RERE: variants seen among roughly 807,000 people sequenced by gnomAD.
RERE encodes the protein arginine-glutamic acid dipeptide repeats.
A neutral mutation model predicts 146.1 loss-of-function variants in RERE; 40 were observed. That is an observed-to-expected ratio of 0.27 (90% confidence interval 0.21 to 0.36). The LOEUF is 0.36. Ranked by LOEUF, RERE falls within the 10% of genes least tolerant of loss-of-function variation. The pLI is 1.00. For missense variants in RERE, 1,933 were observed against 2,138.7 expected (o/e 0.90, Z 1.90); for synonymous variants, 1,003 against 866.0 (o/e 1.16, Z -2.78).
At chr1:8,732,963 A>C (rs12564643) in intron 1 of RERE, among the ~76,000 whole-genome samples, 85,646 of 149,526 alleles carry the variant, frequency 0.57, 25,062 homozygotes, top group East Asian at 0.84. Context: ...CTGGGACTAC[A>C]GGCGCCCGCC....
At chr1:8,638,406 T>C (rs1434115351) in intron 2 of RERE, among the ~76,000 whole-genome samples, 4 of 152,236 alleles carry the variant, frequency 2.6e-5, no homozygotes, top group Non-Finnish European at 5.9e-5. Flanking sequence ...TGACATTTGA[T>C]GAACTGGTAA....
chr1:8,508,017 G>A (rs1388701711), intron 8 of RERE, among the ~76,000 whole-genome samples: 1 of 152,142 alleles, frequency 6.6e-6, no homozygotes, highest in African/African-American at 2.4e-5. Flanking sequence ...GGGATTACAG[G>A]CATGAGCCAT....
intron 10 of RERE, among the ~76,000 whole-genome samples, chr1:8,491,028 GA>G (rs1186798911): frequency 6.7e-6 from 1 of 150,340 alleles, no homozygotes; most frequent in Non-Finnish European, 1.5e-5. Flanking sequence ...TAATAATGAA[GA>G]AAAAACAGAA....
rs1304339683 is a variant in RERE, at chr1:8,353,795, G to A, written c.*1292C>T. On this transcript the variant is annotated 3_prime_UTR_variant, in exon 23 of 23. Transcript: ENST00000400908. ...TACCAGTGCAATGTGGGGTCACCAT[G>A]CAGACCTGCCCCTAGGGTAAAATAC... 2.6e-5 allele frequency: 4 copies of A among 152,370 alleles called. No homozygotes were observed. Among genetic ancestry groups the A allele is most frequent in the African/African-American group, 9.7e-5 (4 of 41,430 alleles). 9.4% of individuals were successfully genotyped at this position (152,370 alleles called of 1,614,324 possible).
At chr1:8,578,239 G>C (rs910661483) in intron 4 of RERE, among the ~76,000 whole-genome samples, 2 of 152,128 alleles carry the variant, frequency 1.3e-5, no homozygotes, top group South Asian at 4.1e-4. Flanking sequence ...TTTGATTACA[G>C]ATTATGTCTT....
At chr1:8,671,095 T>C (rs185510962) in intron 1 of RERE, among the ~76,000 whole-genome samples, 6 of 152,350 alleles carry the variant, frequency 3.9e-5, no homozygotes, top group Admixed American at 3.9e-4. Context: ...GATGTATGTG[T>C]TGAGTGGTCA....
At chr1:8,581,356 A>G (rs1331912428) in intron 4 of RERE, among the ~76,000 whole-genome samples, 1 of 152,116 alleles carries the variant, frequency 6.6e-6, no homozygotes, top group Non-Finnish European at 1.5e-5. Context: ...GTTGGAAGGT[A>G]TTTTTTTAAA....
intron 4 of RERE, among the ~76,000 whole-genome samples, chr1:8,608,165 AG>A (rs1646745147): frequency 1.3e-5 from 2 of 152,108 alleles, no homozygotes; most frequent in Non-Finnish European, 2.9e-5. Context: ...CTGGGATTAT[AG>A]GCATGAGCCA....
At chr1:8,813,695 A>C (rs1212195215) in intron 1 of RERE, among the ~76,000 whole-genome samples, 1 of 150,298 alleles carries the variant, frequency 6.7e-6, no homozygotes, top group Non-Finnish European at 1.5e-5. Context: ...AGCTCCCTGC[A>C]ACCTCTGCCT....
At chr1:8,436,209 C>T (rs1233671291) in intron 11 of RERE, among the ~76,000 whole-genome samples, 1 of 152,112 alleles carries the variant, frequency 6.6e-6, no homozygotes, top group African/African-American at 2.4e-5. Context: ...ATCTCAGCTC[C>T]TTGGGAGGCT....
At chr1:8,405,383 T>C (rs1246333235) in intron 12 of RERE, among the ~76,000 whole-genome samples, 1 of 151,958 alleles carries the variant, frequency 6.6e-6, no homozygotes, top group Non-Finnish European at 1.5e-5. Flanking sequence ...TGATCAAAAC[T>C]AGAAGTTGGT....
chr1:8,698,597 A>G lies in RERE; in HGVS notation c.-144-42156T>C, dbSNP rs115244592. Among the ~76,000 whole-genome samples the G allele has an allele frequency of 7.9e-3, 1,211 of 152,366 alleles. 12 individuals carry two copies. Among genetic ancestry groups the G allele is most frequent in the African/African-American group, 0.028 (1,161 of 41,590 alleles). ...CATCTTGTGGAAAACAAGATATGAG[A>G]AACAAATCTAATTGTTCAGCTTTAG... On this transcript the variant is annotated intron_variant, in intron 1 of 22. Transcript: ENST00000400908.
At chr1:8,763,560 G>A (rs1178550204) in intron 1 of RERE, among the ~76,000 whole-genome samples, 1 of 152,168 alleles carries the variant, frequency 6.6e-6, no homozygotes, top group Non-Finnish European at 1.5e-5. Flanking sequence ...ACTTGACCCT[G>A]GGAGGCAGAG....
chr1:8,525,856 C>T, intron 7 of RERE: 3 of 1,495,516 alleles, frequency 2.0e-6, no homozygotes, highest in Non-Finnish European at 2.7e-6. Flanking sequence ...CTGCCCTTTT[C>T]TACACTAACA....
chr1:8,365,492 T>C (rs940228082), intron 13 of RERE, among the ~76,000 whole-genome samples: 3 of 152,200 alleles, frequency 2.0e-5, no homozygotes, highest in Non-Finnish European at 2.9e-5. Context: ...ATCTGTCAAA[T>C]GGAAAACCTT....
At position 8,617,343 on chromosome 1, in the gene RERE, C is replaced by CAAAAAAAAAAAAAAAAAAA. The variant is rs58933208; in HGVS notation, c.397-2658_397-2657insTTTTTTTTTTTTTTTTTTT. 1.2e-3 allele frequency among the ~76,000 whole-genome samples: 95 copies of CAAAAAAAAAAAAAAAAAAA among 80,390 alleles called. 5 individuals are homozygous for CAAAAAAAAAAAAAAAAAAA. Among genetic ancestry groups the CAAAAAAAAAAAAAAAAAAA allele is most frequent in the Admixed American group, 1.8e-3 (13 of 7,104 alleles). 52.7% of individuals were successfully genotyped at this position (80,390 alleles called of 152,430 possible). A position where few individuals can be genotyped will look rare whatever the true frequency, so the allele number is the denominator to read the frequency against. The stretch of plus-strand genomic sequence containing the variant: ...GGGTGACAAGAGTGAAACTCTGTCT[C>CAAAAAAAAAAAAAAAAAAA]AAAAAAAAAAAAAAGAATTCCATCC... On this transcript the variant is annotated intron_variant, in intron 3 of 22. Transcript: ENST00000400908.
At chr1:8,813,156 TTAAC>T (rs1641844841) in intron 1 of RERE, among the ~76,000 whole-genome samples, 1 of 152,206 alleles carries the variant, frequency 6.6e-6, no homozygotes, top group Non-Finnish European at 1.5e-5. Context: ...AATCCCGTAA[TTAAC>T]TAGAGCACAG....
intron 10 of RERE, among the ~76,000 whole-genome samples, chr1:8,486,192 G>A (rs1466489918): frequency 2.0e-5 from 3 of 147,798 alleles, no homozygotes; most frequent in African/African-American, 8.1e-5. Flanking sequence ...GAATACTAAC[G>A]TCAACCACTG....
intron 1 of RERE, among the ~76,000 whole-genome samples, chr1:8,720,363 G>C (rs1055119404): frequency 3.3e-5 from 5 of 151,934 alleles, no homozygotes; most frequent in Non-Finnish European, 7.4e-5. Flanking sequence ...TCTGCAGGGA[G>C]AAACAAACAA....
Sources: gnomAD v4.1 joint callset for allele counts (sites outside exome capture counted in the v4.1 genomes callset) on GRCh38, gnomAD v4.1.1 for gene constraint, MANE v1.5 for transcripts, NCBI Gene and HGNC (gene_info 2026-07-23, HGNC 2026-07-21) for gene names.